Variants in CACHD1 observed in about 807,000 individuals in gnomAD.
CACHD1 encodes VWFA and cache domain-containing protein 1.
Under a neutral mutation model 138.7 loss-of-function variants are expected in CACHD1, and 71 were observed. The observed-to-expected ratio is 0.51, with a 90% CI of 0.42 to 0.62. CACHD1 has a LOEUF of 0.62. CACHD1 is among the 20% of genes least tolerant of loss of function. The pLI is 0.00. For missense variants in CACHD1, 1,389 were observed against 1,625.3 expected (o/e 0.85, Z 2.50); for synonymous variants, 578 against 591.5 (o/e 0.98, Z 0.33).
At chr1:64,611,573 C>G (rs930142699) in intron 4 of CACHD1, among the ~76,000 whole-genome samples, 1 of 152,224 alleles carries the variant, frequency 6.6e-6, no homozygotes, top group Admixed American at 6.5e-5. Context: ...GCAAAAGTCT[C>G]TTTGCTAAAG....
At chr1:64,609,858 G>T (rs965247694) in intron 4 of CACHD1, among the ~76,000 whole-genome samples, 3 of 152,016 alleles carry the variant, frequency 2.0e-5, no homozygotes, top group African/African-American at 7.3e-5. Flanking sequence ...TAGACATATT[G>T]TATTAGTCCA....
intron 9 of CACHD1, 47 bp from the exon 10 acceptor site, chr1:64,652,114 A>G (rs369919822): frequency 7.9e-6 from 12 of 1,518,864 alleles, no homozygotes; most frequent in Admixed American, 2.0e-5. Flanking sequence ...TCTTTGTCCA[A>G]TTCCTTCTCT....
Position 64,654,744 on chromosome 1 carries a change from A to G in CACHD1, c.1723A>G (p.Ile575Val), listed in dbSNP as rs751007606. The part of the protein sequence containing the change: ...VPVNSSLSWH[I>V]NKLRETGKEA... ...TGTGAACTCATCCCTGTCTTGGCAC[A>G]TAAACAAGCTGAGAGAAACTGGAAA... The change falls in exon 12 of 27, where the codon ATA (isoleucine) becomes GTA (valine). Residue 575 changes from isoleucine to valine, a missense_variant. By Grantham distance (29) the Ile-to-Val change is conservative. Transcript: ENST00000651257. 1.2e-6 allele frequency: 2 copies of G among 1,613,936 alleles called. No individual in the cohort carries two copies. The highest frequency in any genetic ancestry group is 1.3e-5 in the African/African-American group (1 of 74,926).
intron 4 of CACHD1, among the ~76,000 whole-genome samples, chr1:64,622,593 A>C (rs534335313): frequency 7.2e-5 from 11 of 152,178 alleles, no homozygotes; most frequent in African/African-American, 1.7e-4. Flanking sequence ...ATACTCAGTA[A>C]GTTTTTTATC....
At chr1:64,486,385 C>CAT (rs1646243038) in intron 1 of CACHD1, among the ~76,000 whole-genome samples, 1 of 151,184 alleles carries the variant, frequency 6.6e-6, no homozygotes, top group South Asian at 2.1e-4. Context: ...CACACACACA[C>CAT]ACACACATAC....
chr1:64,552,012 T>C (rs1308877906), intron 2 of CACHD1, among the ~76,000 whole-genome samples: 1 of 152,160 alleles, frequency 6.6e-6, no homozygotes, highest in Non-Finnish European at 1.5e-5. Context: ...GAACGAAGCA[T>C]GTTCAAGGAA....
At chr1:64,531,777 C>T (rs1646588862) in intron 1 of CACHD1, among the ~76,000 whole-genome samples, 1 of 152,206 alleles carries the variant, frequency 6.6e-6, no homozygotes, top group African/African-American at 2.4e-5. Context: ...TGTTTATACA[C>T]TGACGGGTTT....
chr1:64,552,764 C>T (rs567983873), intron 2 of CACHD1, among the ~76,000 whole-genome samples: 1 of 152,286 alleles, frequency 6.6e-6, no homozygotes, highest in South Asian at 2.1e-4. Flanking sequence ...CAGGCATGGG[C>T]CACTGTGCCC....
rs902624921 is a variant in CACHD1 at position 64,470,705 on chromosome 1, C to A, written c.-40C>A. Reference sequence around the variant, plus strand: ...GGGCACCTCCCGCGGCCCGCTTCCCCGCGCCCGGAGCCCGTCGGCGGGGAG... The same window carrying A: ...GGGCACCTCCCGCGGCCCGCTTCCCAGCGCCCGGAGCCCGTCGGCGGGGAG... On this transcript the variant is annotated 5_prime_UTR_variant, in exon 1 of 27. Transcript: ENST00000651257. The surrounding 1 kb of genome is among the most constrained non-coding windows in gnomAD (Gnocchi z 5.2). 4.1e-6 allele frequency: 2 copies of A among 492,198 alleles called. No homozygotes were observed. The highest frequency in any genetic ancestry group is 4.1e-5 in the African/African-American group (2 of 48,940). 30.5% of individuals were successfully genotyped at this position (492,198 alleles called of 1,614,324 possible).
chr1:64,524,436 C>A (rs1646521508), intron 1 of CACHD1, among the ~76,000 whole-genome samples: 1 of 152,150 alleles, frequency 6.6e-6, no homozygotes, highest in South Asian at 2.1e-4. Flanking sequence ...TCAAATAGCA[C>A]CACTTACTGG....
At chr1:64,491,481 A>AG (rs936755440) in intron 1 of CACHD1, among the ~76,000 whole-genome samples, 1 of 152,150 alleles carries the variant, frequency 6.6e-6, no homozygotes, top group East Asian at 1.9e-4. Flanking sequence ...AAGAAGAGCA[A>AG]GGGGGGAAGT....
chr1:64,677,215 G>A (rs1249412627), intron 22 of CACHD1, among the ~76,000 whole-genome samples: 1 of 152,132 alleles, frequency 6.6e-6, no homozygotes, highest in Non-Finnish European at 1.5e-5. Context: ...ATCTGTGAAT[G>A]GGAGTTTTTC....
intron 1 of CACHD1, among the ~76,000 whole-genome samples, chr1:64,525,238 A>G (rs1469092901): frequency 6.6e-6 from 1 of 152,228 alleles, no homozygotes; most frequent in African/African-American, 2.4e-5. Context: ...GCCAAGAATG[A>G]CATTGAGAAA....
intron 1 of CACHD1, among the ~76,000 whole-genome samples, chr1:64,519,757 A>G (rs996832369): frequency 2.3e-5 from 1 of 42,858 alleles, no homozygotes; most frequent in African/African-American, 3.9e-5. Context: ...AAAATAAAAT[A>G]TTGCAAACAG....
intron 1 of CACHD1, among the ~76,000 whole-genome samples, chr1:64,502,380 C>G (rs1263717628): frequency 6.6e-6 from 1 of 152,196 alleles, no homozygotes; most frequent in African/African-American, 2.4e-5. Context: ...GTCTGGCACT[C>G]TGTTTCCATC....
intron 1 of CACHD1, among the ~76,000 whole-genome samples, chr1:64,491,413 C>T (rs1164441184): frequency 2.0e-5 from 3 of 152,134 alleles, no homozygotes; most frequent in Non-Finnish European, 2.9e-5. Flanking sequence ...AACTTACAAT[C>T]ATGGTGGAAG....
intron 7 of CACHD1, among the ~76,000 whole-genome samples, chr1:64,636,523 G>GATCATGCTAAGGTTCA (rs1414837547): frequency 6.6e-6 from 1 of 152,144 alleles, no homozygotes; most frequent in Non-Finnish European, 1.5e-5. Context: ...GCTAAGGTTT[G>GATCATGCTAAGGTTCA]TTCATGCTAA....
At chr1:64,608,766 T>C (rs1647420204) in intron 4 of CACHD1, among the ~76,000 whole-genome samples, 1 of 152,152 alleles carries the variant, frequency 6.6e-6, no homozygotes, top group Non-Finnish European at 1.5e-5. Flanking sequence ...CTCTCTCTCT[T>C]TTTTTTCTTT....
intron 2 of CACHD1, among the ~76,000 whole-genome samples, chr1:64,580,814 C>A (rs934263041): frequency 6.6e-6 from 1 of 152,108 alleles, no homozygotes. Context: ...TTGTGACAAT[C>A]AAAATTTTCT....
Sources: gnomAD v4.1 joint callset for allele counts (sites outside exome capture counted in the v4.1 genomes callset) on GRCh38, gnomAD v4.1.1 for gene constraint, Gnocchi (gnomAD v3.1) non-coding constraint, MANE v1.5 for transcripts, NCBI Gene and HGNC (gene_info 2026-07-23, HGNC 2026-07-21) for gene names.